Variants in FAM13B observed in about 807,000 individuals in gnomAD.
FAM13B encodes the protein family with sequence similarity 13 member B, also known as protein FAM13B.
A neutral mutation model predicts 117.3 loss-of-function variants in FAM13B; 60 were observed. That is an observed-to-expected ratio of 0.51 (90% CI 0.42 to 0.63). The LOEUF (loss-of-function observed/expected upper bound fraction) is 0.63. Among genes scored for constraint, FAM13B ranks in the 30% least tolerant of loss-of-function variants. The pLI is 0.00. For missense variants in FAM13B, 972 were observed against 1,091.9 expected (o/e 0.89, Z 1.55); for synonymous variants, 332 against 356.1 (o/e 0.93, Z 0.76).
In FAM13B at chr5:137,939,820, G is replaced by C; in HGVS notation, c.*405C>G. On this transcript the variant is annotated 3_prime_UTR_variant, in exon 24 of 24. Coordinates refer to ENST00000689681, the MANE Select transcript of FAM13B (RefSeq NM_001385994.1). ...GTCATTCTGTAAGAAAAAGGCAACA[G>C]AAGAATTCAGTATGAAGATTTTCCT... 2.4e-6 allele frequency: 3 copies of C among 1,252,494 alleles called. 1 individual carries two copies. In the Admixed American group the frequency reaches 1.2e-4, roughly 49 times the overall value. 77.6% of individuals were successfully genotyped at this position (1,252,494 alleles called of 1,614,324 possible).
rs147968461 is a variant in FAM13B at position 137,967,606 on chromosome 5, G to C, written c.1180-5137C>G. 1.2e-3 allele frequency among the ~76,000 whole-genome samples: 189 copies of C among 152,174 alleles called. 4 individuals are homozygous for C. Among genetic ancestry groups the C allele is most frequent in the Middle Eastern group, 0.01 (3 of 294 alleles). ...GATGTGGACAACTGGAAACAGAAAAGACGAGACCCATCATGGTGGCTCACA... is the reference window on the plus strand; with the variant it reads ...GATGTGGACAACTGGAAACAGAAAACACGAGACCCATCATGGTGGCTCACA... On this transcript the variant is annotated intron_variant, in intron 10 of 23. Transcript: ENST00000689681.
chr5:138,041,051 A>C (rs1488148599), intron 1 of FAM13B, among the ~76,000 whole-genome samples: 2 of 149,808 alleles, frequency 1.3e-5, no homozygotes, highest in Non-Finnish European at 3.0e-5. Context: ...GCAACAGAGC[A>C]AGACTCCATC....
intron 15 of FAM13B, among the ~76,000 whole-genome samples, 158 bp downstream of exon 15, chr5:137,954,008 C>G (rs1765736445): frequency 6.7e-6 from 1 of 148,760 alleles, no homozygotes; most frequent in Non-Finnish European, 1.5e-5. Context: ...TGAGAAAGCT[C>G]TGAATTCTAT....
intron 4 of FAM13B, among the ~76,000 whole-genome samples, chr5:138,013,320 T>C (rs1023248863): frequency 6.6e-6 from 1 of 151,762 alleles, no homozygotes; most frequent in Non-Finnish European, 1.5e-5. Flanking sequence ...GCTAACACAG[T>C]GAAATCCCAT....
At chr5:138,013,938 C>A (rs185636728) in intron 4 of FAM13B, among the ~76,000 whole-genome samples, 1 of 152,120 alleles carries the variant, frequency 6.6e-6, no homozygotes, top group Admixed American at 6.5e-5. Context: ...GTTCTGTGAG[C>A]GCAGAGATAT....
In FAM13B at chr5:137,970,280, G is replaced by C. The variant is rs569312851; in HGVS notation, c.1180-7811C>G. Among the ~76,000 whole-genome samples, 120 of 152,026 alleles carry C rather than the reference G, an allele frequency of 7.9e-4. 1 individual carries two copies. The highest frequency in any genetic ancestry group is 2.3e-3 in the African/African-American group (96 of 41,456). On this transcript the variant is annotated intron_variant, in intron 10 of 23. Coordinates refer to ENST00000689681, the MANE Select transcript of FAM13B (RefSeq NM_001385994.1). Reference sequence around the variant, plus strand: ...GGATCTCTCAGCAGAAACTCTACAAGGCAGAAGAGAGTGGGGGCCAATATT... The same window carrying C: ...GGATCTCTCAGCAGAAACTCTACAACGCAGAAGAGAGTGGGGGCCAATATT...
chr5:138,011,488 G>A lies in FAM13B; in HGVS notation c.548+280C>T, dbSNP rs533719069. Among the ~76,000 whole-genome samples the A allele has an allele frequency of 7.2e-5, 11 of 151,746 alleles. No individual in the cohort carries two copies. In the South Asian group the frequency reaches 2.1e-3, roughly 29 times the overall value. On this transcript the variant is annotated intron_variant, in intron 5 of 23. Coordinates refer to ENST00000689681, the MANE Select transcript of FAM13B (RefSeq NM_001385994.1). ...GGCTGGAGTGCATTGGCGCGATCTC[G>A]GCTCACTGCAAGCTCCGCCTCCCCG...
intron 10 of FAM13B, among the ~76,000 whole-genome samples, chr5:137,983,325 A>T (rs1776358437): frequency 6.6e-6 from 1 of 152,116 alleles, no homozygotes. Flanking sequence ...AACAGACATC[A>T]CTGGTGACTT....
intron 20 of FAM13B, among the ~76,000 whole-genome samples, chr5:137,943,486 C>G (rs1329286049): frequency 1.3e-5 from 2 of 152,200 alleles, no homozygotes; most frequent in African/African-American, 4.8e-5. Flanking sequence ...GTGGCTAACG[C>G]CTGTAATCCC....
At chr5:137,983,506 G>A (rs1776406254) in intron 10 of FAM13B, among the ~76,000 whole-genome samples, 1 of 152,162 alleles carries the variant, frequency 6.6e-6, no homozygotes, top group South Asian at 2.1e-4. Context: ...AATGGGATGG[G>A]GGGAGTCGAG....
chr5:137,950,208 C>T (rs10463546), intron 17 of FAM13B, among the ~76,000 whole-genome samples: 149,349 of 152,312 alleles, frequency 0.98, 73,290 homozygotes, highest in Middle Eastern at 1. Flanking sequence ...AGAGTCACAG[C>T]GCTAAAAGGA....
At chr5:138,007,838 T>A (rs1782935893) in intron 6 of FAM13B, among the ~76,000 whole-genome samples, 1 of 152,216 alleles carries the variant, frequency 6.6e-6, no homozygotes, top group Non-Finnish European at 1.5e-5. Flanking sequence ...AGCAAAATAT[T>A]TTCAAATGAG....
intron 1 of FAM13B, among the ~76,000 whole-genome samples, chr5:138,025,027 T>C (rs191738980): frequency 5.9e-5 from 9 of 151,926 alleles, no homozygotes; most frequent in Non-Finnish European, 8.8e-5. Context: ...CGTGCCACCA[T>C]GCACGGCTAA....
intron 23 of FAM13B, among the ~76,000 whole-genome samples, chr5:137,941,079 T>G (rs1410846910): frequency 6.6e-6 from 1 of 152,040 alleles, no homozygotes; most frequent in Non-Finnish European, 1.5e-5. Context: ...CTAATTTTTT[T>G]TGTATTTTTC....
intron 10 of FAM13B, among the ~76,000 whole-genome samples, chr5:137,964,270 A>G (rs1313780948): frequency 6.6e-6 from 1 of 151,958 alleles, no homozygotes; most frequent in Non-Finnish European, 1.5e-5. Context: ...CATGTTGAAT[A>G]GGGTAATTTT....
intron 1 of FAM13B, among the ~76,000 whole-genome samples, chr5:138,022,774 C>A (rs1218765752): frequency 6.6e-6 from 1 of 151,712 alleles, no homozygotes; most frequent in African/African-American, 2.4e-5. Flanking sequence ...TTATACATCA[C>A]TAAAATGGCT....
chr5:138,017,614 A>C (rs1388852748), intron 4 of FAM13B, among the ~76,000 whole-genome samples: 2 of 152,292 alleles, frequency 1.3e-5, no homozygotes, highest in East Asian at 3.9e-4. Context: ...ATATACATGA[A>C]TACCATTTGG....
At chr5:138,012,162 C>A (rs1356693599) in intron 4 of FAM13B, among the ~76,000 whole-genome samples, 2 of 151,760 alleles carry the variant, frequency 1.3e-5, no homozygotes, top group African/African-American at 4.8e-5. Context: ...GGAACTCAAT[C>A]CCTTAATTGC....
In FAM13B at chr5:138,006,991, T is replaced by C. The variant is rs1246481738; in HGVS notation, c.847A>G (p.Ser283Gly). The change falls in exon 7 of 24, where the codon AGC becomes GGC. Residue 283 changes from serine to glycine, a missense_variant and splice_region_variant. By Grantham distance (56) the Ser-to-Gly change is moderately conservative. Transcript: ENST00000689681. The stretch of plus-strand genomic sequence containing the variant: ...AAGTTCATTCAACTGAGCTATTACC[T>C]TGTTGCCGTAACACTATTTGATTCC... ...ILESNSVTAT[S>G]THISPISILP... 10 of 1,602,368 alleles carry C rather than the reference T, an allele frequency of 6.2e-6. No homozygotes were observed. Among genetic ancestry groups the C allele is most frequent in the Non-Finnish European group, 7.6e-6 (9 of 1,176,980 alleles).
Sources: gnomAD v4.1 joint callset for allele counts (sites outside exome capture counted in the v4.1 genomes callset) on GRCh38, gnomAD v4.1.1 for gene constraint, MANE v1.5 for transcripts, NCBI Gene and HGNC (gene_info 2026-07-23, HGNC 2026-07-21) for gene names.